Variants in PIK3C2B observed in about 807,000 individuals in gnomAD.
PIK3C2B encodes the protein phosphatidylinositol-4-phosphate 3-kinase catalytic subunit type 2 beta.
PIK3C2B carries 83 observed loss-of-function variants against 184.3 expected under a neutral mutation model. The ratio of observed to expected loss-of-function variants is 0.45; its 90% CI spans 0.38 to 0.54. PIK3C2B has a LOEUF of 0.54. Ranked by LOEUF, PIK3C2B falls within the 20% of genes least tolerant of loss-of-function variation. The pLI is 0.00. For synonymous variants in PIK3C2B, 779 were observed against 837.6 expected, an observed-to-expected ratio of 0.93 and a Z score of 1.21; for missense variants, 1,736 against 2,113.5, an observed-to-expected ratio of 0.82 and a Z score of 3.50.
chr1:204,451,743 T>C (rs551070686), intron 12 of PIK3C2B, among the ~76,000 whole-genome samples: 3 of 152,276 alleles, frequency 2.0e-5, no homozygotes, highest in African/African-American at 7.2e-5. Flanking sequence ...GTTACTGCAC[T>C]GGCACTGGCT....
In PIK3C2B at chr1:204,438,935, C is replaced by T; in HGVS notation, c.3516G>A (p.Lys1172=). ...KHNPGEDEYE[K]AVENFIYSCA... ...ACGCACTCCCCACCCACAACCCTAC[C>T]TTCTCATACTCGTCCTCCCCAGGGT... The change falls in exon 23 of 33, where the codon AAG becomes AAA. Residue 1172 remains lysine (K), a splice_region_variant and synonymous_variant. Coordinates refer to ENST00000684373, the MANE Select transcript of PIK3C2B (RefSeq NM_001377334.1). 1.2e-6 allele frequency: 2 copies of T among 1,613,282 alleles called. No individual in the cohort carries two copies. The highest frequency in any genetic ancestry group is 1.7e-6 in the Non-Finnish European group (2 of 1,179,942).
At chr1:204,448,934 G>A (rs552301092) in intron 14 of PIK3C2B, among the ~76,000 whole-genome samples, 2 of 152,270 alleles carry the variant, frequency 1.3e-5, no homozygotes, top group Non-Finnish European at 2.9e-5. Context: ...TGAATGCAGA[G>A]GGTCTCAGAC....
intron 26 of PIK3C2B, 151 bp from the exon 27 acceptor site, chr1:204,432,552 G>A (rs770021675): frequency 3.9e-5 from 26 of 660,204 alleles, no homozygotes; most frequent in Non-Finnish European, 6.4e-5. Context: ...TAAAGCAAAT[G>A]ACTGGCACAC....
chr1:204,476,345 G>A (rs1656703961), intron 1 of PIK3C2B, among the ~76,000 whole-genome samples: 1 of 152,130 alleles, frequency 6.6e-6, no homozygotes, highest in Non-Finnish European at 1.5e-5. Context: ...GCCGAGGCGG[G>A]GGGATTGCTT....
rs138441041 is a variant in PIK3C2B at position 204,488,572 on chromosome 1, C to A, written c.-85+5784G>T. ...TACCTGTCCTCTTCACTGCTGTGCA[C>A]GTAGAAGAGTGTCAGTGCACATTCA... On this transcript the variant is annotated intron_variant, in intron 1 of 32. Coordinates refer to ENST00000684373, the MANE Select transcript of PIK3C2B (RefSeq NM_001377334.1). Among the ~76,000 whole-genome samples the A allele has an allele frequency of 9.8e-5, 15 of 152,324 alleles. 1 individual carries two copies. In the East Asian group the frequency reaches 2.7e-3, roughly 27 times the overall value.
At chr1:204,463,949 A>G in intron 5 of PIK3C2B, 63 bp downstream of exon 5, 1 of 1,566,440 alleles carries the variant, frequency 6.4e-7, no homozygotes, top group Non-Finnish European at 8.7e-7. Flanking sequence ...CACCAATCCC[A>G]TGAAGCCCCC....
intron 10 of PIK3C2B, chr1:204,456,261 C>T (rs1654837896): frequency 4.6e-6 from 2 of 433,070 alleles, no homozygotes; most frequent in Non-Finnish European, 8.1e-6. Context: ...GACAGTTATA[C>T]AATGTTAAAC....
At chr1:204,456,900 A>ACC (rs1654898990) in intron 10 of PIK3C2B, 137 bp downstream of exon 10, 1 of 395,546 alleles carries the variant, frequency 2.5e-6, no homozygotes, top group African/African-American at 2.5e-5. Flanking sequence ...ACACACACAC[A>ACC]CACACACCCA....
At position 204,469,246 on chromosome 1, in the gene PIK3C2B, G is replaced by T. The variant is rs372293680; in HGVS notation, c.557C>A (p.Pro186His). ...GSPSSSKISQ[P>H]SDINTFSLVE... is the part of the protein sequence containing the mutation. Reference sequence around the variant, plus strand: ...CAAAGAGAAAGTGTTGATGTCACTGGGCTGGGAGATCTTGGAGGATGAGGG... The same window carrying T: ...CAAAGAGAAAGTGTTGATGTCACTGTGCTGGGAGATCTTGGAGGATGAGGG... Residue 186 changes from proline (P) to histidine (H), a missense_variant, in exon 2 of 33, where the codon CCC becomes CAC. Coordinates refer to ENST00000684373, the MANE Select transcript of PIK3C2B (RefSeq NM_001377334.1). 8.8e-6 allele frequency: 14 copies of T among 1,582,872 alleles called. No individual in the cohort carries two copies. Among genetic ancestry groups the T allele is most frequent in the Non-Finnish European group, 1.2e-5 (14 of 1,162,382 alleles).
rs749826945 is a variant in PIK3C2B at position 204,431,691 on chromosome 1, A to G, written c.4258T>C (p.Phe1420Leu). 1.9e-6 allele frequency: 3 copies of G among 1,614,046 alleles called. No homozygotes were observed. Among genetic ancestry groups the G allele is most frequent in the Non-Finnish European group, 2.5e-6 (3 of 1,180,044 alleles). The change falls in exon 28 of 33, where the codon TTC (phenylalanine) becomes CTC (leucine). Residue 1420 changes from phenylalanine (F) to leucine (L), a missense_variant. Phe to Leu is a conservative substitution (Grantham distance 22). This residue lies in a region of PIK3C2B where 200 missense variants were observed against 199.1 expected (regional missense o/e 1.00). Transcript: ENST00000684373. ...QELHNKLRLL[F>L]PSSHLPSFPS... ...TACCTGGGCAAGTGGGAAGAAGGGA[A>G]GAGCAGCCGCAACTTATTGTGTAAT...
At position 204,433,568 on chromosome 1, in the gene PIK3C2B, G is replaced by A; in HGVS notation, c.3844-143C>T. 1 of 711,526 alleles carries A rather than the reference G, an allele frequency of 1.4e-6. No homozygotes were observed. The highest frequency in any genetic ancestry group is 2.4e-6 in the Non-Finnish European group (1 of 414,848). The allele number at this position is 711,526 out of a possible 1,614,324, so 44.1% of individuals were successfully genotyped here. On this transcript the variant is annotated intron_variant, in intron 25 of 32. Transcript: ENST00000684373. The surrounding 1 kb of genome is among the most constrained non-coding windows in gnomAD (Gnocchi z 5.0). The stretch of plus-strand genomic sequence containing the variant: ...TAGACAGATGCTGTGGGCAGTGGCT[G>A]GAGGGCCACAGGAACTGAAGGGCTG...
intron 23 of PIK3C2B, among the ~76,000 whole-genome samples, chr1:204,438,724 T>G (rs544596856): frequency 1.2e-4 from 18 of 152,294 alleles, no homozygotes; most frequent in African/African-American, 3.6e-4. Context: ...CAGTCCAGCA[T>G]CAGGGGATTT....
intron 15 of PIK3C2B, among the ~76,000 whole-genome samples, chr1:204,446,987 A>AC (rs1190017440): frequency 6.6e-6 from 1 of 151,658 alleles, no homozygotes; most frequent in Non-Finnish European, 1.5e-5. Flanking sequence ...GGACTCACGT[A>AC]CCCCTGAGAG....
intron 15 of PIK3C2B, among the ~76,000 whole-genome samples, chr1:204,446,519 C>T (rs1482820073): frequency 2.0e-5 from 3 of 152,212 alleles, no homozygotes; most frequent in African/African-American, 7.2e-5. Context: ...TCTGCTACCC[C>T]TCCTGCGGAT....
intron 17 of PIK3C2B, 43 bp downstream of exon 17, chr1:204,444,288 G>C: frequency 6.5e-7 from 1 of 1,540,534 alleles, no homozygotes; most frequent in South Asian, 1.1e-5. Flanking sequence ...TGGGATACTG[G>C]GGATGGGACC....
chr1:204,443,860 G>C (rs1653607635), intron 18 of PIK3C2B, among the ~76,000 whole-genome samples: 1 of 152,216 alleles, frequency 6.6e-6, no homozygotes, highest in Non-Finnish European at 1.5e-5. Flanking sequence ...TGTGTGGGTA[G>C]AGGAGAGACA....
intron 1 of PIK3C2B, among the ~76,000 whole-genome samples, chr1:204,485,350 C>T (rs188332783): frequency 3.4e-4 from 52 of 152,192 alleles, no homozygotes; most frequent in Non-Finnish European, 6.8e-4. Flanking sequence ...ATATATTGGG[C>T]ACCAAAAAAT....
chr1:204,492,922 A>G (rs11240751), intron 1 of PIK3C2B, among the ~76,000 whole-genome samples: 85,661 of 152,080 alleles, frequency 0.56, 27,393 homozygotes, highest in East Asian at 0.7. Context: ...CAGAGCCACC[A>G]TCTCTTCAGA....
At chr1:204,425,499 A>G (rs1674695874) in intron 32 of PIK3C2B, 114 bp downstream of exon 32, 5 of 1,166,280 alleles carry the variant, frequency 4.3e-6, no homozygotes, top group Non-Finnish European at 5.0e-6. Flanking sequence ...TAAATCAGCA[A>G]GTACAGCCAT....
Sources: gnomAD v4.1 joint callset for allele counts (sites outside exome capture counted in the v4.1 genomes callset) on GRCh38, gnomAD v4.1.1 for gene constraint, gnomAD v4.1.1 regional missense constraint, Gnocchi (gnomAD v3.1) non-coding constraint, MANE v1.5 for transcripts, NCBI Gene and HGNC (gene_info 2026-07-23, HGNC 2026-07-21) for gene names.